Variants in NCKAP5 observed in about 807,000 individuals in gnomAD.
The protein encoded by NCKAP5 is nck-associated protein 5.
In NCKAP5, 92 loss-of-function variants were observed where a neutral mutation model predicts 167.0. The observed-to-expected ratio is 0.55, with a 90% CI of 0.47 to 0.66. The LOEUF is 0.66. Among genes scored for constraint, NCKAP5 ranks in the 30% least tolerant of loss-of-function variants. NCKAP5 has a pLI of 0.00. For synonymous variants in NCKAP5, 891 were observed against 877.4 expected (o/e 1.02, Z -0.27); for missense variants, 2,378 against 2,315.0 (o/e 1.03, Z -0.56).
chr2:133,099,879 C>T (rs1001564709), intron 6 of NCKAP5, among the ~76,000 whole-genome samples: 1 of 152,184 alleles, frequency 6.6e-6, no homozygotes, highest in Admixed American at 6.5e-5. Context: ...AGCTGAAATG[C>T]AGCTCTTCTT....
intron 8 of NCKAP5, among the ~76,000 whole-genome samples, chr2:132,960,285 C>T (rs919616008): frequency 2.0e-5 from 3 of 152,122 alleles, no homozygotes; most frequent in Non-Finnish European, 4.4e-5. Flanking sequence ...ATGCAGAGAC[C>T]TAGACAGCTC....
chr2:133,107,000 A>G (rs959193629), intron 6 of NCKAP5, among the ~76,000 whole-genome samples: 2 of 152,158 alleles, frequency 1.3e-5, no homozygotes, highest in East Asian at 1.9e-4. Flanking sequence ...TTATCCTTAC[A>G]TGGGAGCAAT....
chr2:132,679,534 T>C (rs928633192), intron 19 of NCKAP5, among the ~76,000 whole-genome samples: 7 of 152,138 alleles, frequency 4.6e-5, no homozygotes, highest in Non-Finnish European at 8.8e-5. Context: ...CAGTCATATA[T>C]GGATGAAGGC....
chr2:133,120,667 G>C (rs76806416), intron 6 of NCKAP5, among the ~76,000 whole-genome samples: 9,765 of 152,222 alleles, frequency 0.064, 399 homozygotes, highest in East Asian at 0.18. Context: ...TATTCTGAAA[G>C]AGGCAACTCA....
At chr2:133,498,472 A>AAGGG (rs1491261468) in intron 3 of NCKAP5, among the ~76,000 whole-genome samples, 5 of 122,714 alleles carry the variant, frequency 4.1e-5, no homozygotes, top group African/African-American at 1.9e-4. Context: ...GGAAGGAAGG[A>AAGGG]AGGAAGGAAG....
chr2:133,468,787 T>C (rs1692806951), intron 3 of NCKAP5, among the ~76,000 whole-genome samples: 1 of 152,216 alleles, frequency 6.6e-6, no homozygotes. Flanking sequence ...TCTCTTTTGA[T>C]CTTTGTTGGT....
chr2:132,839,265 T>C (rs77020011), intron 11 of NCKAP5, among the ~76,000 whole-genome samples: 3 of 152,214 alleles, frequency 2.0e-5, no homozygotes, highest in African/African-American at 4.8e-5. Context: ...TTATGTATGG[T>C]CTCTCATATT....
rs1559108725 is a variant in NCKAP5, at chr2:133,069,870, A to AT, written c.341+60107_341+60108insA. 9.7e-3 allele frequency among the ~76,000 whole-genome samples: 1,463 copies of AT among 151,354 alleles called. 30 individuals carry two copies. Among genetic ancestry groups the AT allele is most frequent in the African/African-American group, 0.033 (1,347 of 41,306 alleles). ...TTATAAATTTCATTGATTTATTAAAAATATATATATATACACACACACAAA... is the reference window on the plus strand; with the variant it reads ...TTATAAATTTCATTGATTTATTAAAATATATATATATATACACACACACAAA... On this transcript the variant is annotated intron_variant, in intron 6 of 19. Transcript: ENST00000409261.
chr2:133,247,793 T>G (rs890811074), intron 4 of NCKAP5, among the ~76,000 whole-genome samples: 8 of 152,238 alleles, frequency 5.3e-5, no homozygotes, highest in Non-Finnish European at 1.0e-4. Flanking sequence ...TCCATAGTTC[T>G]GCAATTTCTC....
chr2:132,694,378 G>A (rs1351349342), intron 19 of NCKAP5, among the ~76,000 whole-genome samples: 1 of 152,114 alleles, frequency 6.6e-6, no homozygotes, highest in Non-Finnish European at 1.5e-5. Context: ...CGCCTGCTGT[G>A]CAGTGTGCTG....
intron 4 of NCKAP5, among the ~76,000 whole-genome samples, chr2:133,226,829 TA>T (rs2150230698): frequency 6.6e-6 from 1 of 152,302 alleles, no homozygotes; most frequent in African/African-American, 2.4e-5. Flanking sequence ...TTCTGTTGTG[TA>T]AGCCACCCCC....
chr2:132,929,567 CT>C (rs1696198271), intron 8 of NCKAP5, among the ~76,000 whole-genome samples: 3 of 152,112 alleles, frequency 2.0e-5, no homozygotes, highest in Admixed American at 2.0e-4. Context: ...TCAGGAGAAG[CT>C]ATGTACAGAG....
intron 3 of NCKAP5, among the ~76,000 whole-genome samples, chr2:133,467,073 T>A (rs1373559681): frequency 1.3e-5 from 2 of 152,138 alleles, no homozygotes; most frequent in East Asian, 3.9e-4. Context: ...AGAGAGGGCA[T>A]CCCTGTCTTG....
At chr2:132,886,253 A>G (rs1316881226) in intron 8 of NCKAP5, among the ~76,000 whole-genome samples, 1 of 152,238 alleles carries the variant, frequency 6.6e-6, no homozygotes, top group Non-Finnish European at 1.5e-5. Context: ...CCAAAGGTTA[A>G]CTATTTTACC....
chr2:133,036,011 C>T (rs548652852), intron 6 of NCKAP5, among the ~76,000 whole-genome samples: 29 of 151,308 alleles, frequency 1.9e-4, no homozygotes, highest in South Asian at 8.3e-4. Context: ...TCATATTGCA[C>T]GAATTTAAAG....
At chr2:132,753,307 C>T (rs1041315243) in intron 16 of NCKAP5, among the ~76,000 whole-genome samples, 1 of 152,146 alleles carries the variant, frequency 6.6e-6, no homozygotes, top group Non-Finnish European at 1.5e-5. Flanking sequence ...GTCAAGAAAG[C>T]CACCTTGCTA....
At position 132,731,946 on chromosome 2, in the gene NCKAP5, G is replaced by C; in HGVS notation, c.5234C>G (p.Pro1745Arg). Residue 1745 changes from proline (P) to arginine (R), a missense_variant, in exon 17 of 20, where the codon CCA becomes CGA. Around this residue, in one of 3 missense-constraint regions of NCKAP5, gnomAD observed 1,325 missense variants for 1,274.5 expected, o/e 1.04. Coordinates refer to ENST00000409261, the MANE Select transcript of NCKAP5 (RefSeq NM_207363.3). ...AGGCAGGAGAGGCTCAGCGTCCTCTGGGGAGTCTGGCTGGCATAGGTAGCG... is the reference window on the plus strand; with the variant it reads ...AGGCAGGAGAGGCTCAGCGTCCTCTCGGGAGTCTGGCTGGCATAGGTAGCG... ...TGRYLCQPDS[P>R]EDAEPLLPLQ... The C allele has an allele frequency of 6.2e-7, 1 of 1,613,928 alleles. No individual in the cohort carries two copies. Among genetic ancestry groups the C allele is most frequent in the Non-Finnish European group, 8.5e-7 (1 of 1,179,872 alleles).
At chr2:133,307,204 T>TA (rs1574657015) in intron 3 of NCKAP5, among the ~76,000 whole-genome samples, 1 of 152,112 alleles carries the variant, frequency 6.6e-6, no homozygotes, top group East Asian at 1.9e-4. Context: ...AAAACTTACA[T>TA]ACAGTCCTGA....
intron 6 of NCKAP5, among the ~76,000 whole-genome samples, chr2:133,017,780 A>C (rs1206261261): frequency 6.6e-6 from 1 of 151,916 alleles, no homozygotes; most frequent in Non-Finnish European, 1.5e-5. Flanking sequence ...GAAAGCAGTA[A>C]CACAAAAGAG....
Sources: gnomAD v4.1 joint callset for allele counts (sites outside exome capture counted in the v4.1 genomes callset) on GRCh38, gnomAD v4.1.1 for gene constraint, gnomAD v4.1.1 regional missense constraint, MANE v1.5 for transcripts, NCBI Gene and HGNC (gene_info 2026-07-23, HGNC 2026-07-21) for gene names.